The following CACNA2D3 variants were observed in gnomAD, a reference collection of about 807,000 sequenced individuals.
CACNA2D3 encodes calcium voltage-gated channel auxiliary subunit alpha2delta 3.
A neutral mutation model predicts 160.6 loss-of-function variants in CACNA2D3; 60 were observed. That is an observed-to-expected ratio of 0.37 (90% CI 0.30 to 0.46). The LOEUF (loss-of-function observed/expected upper bound fraction) is 0.46, where lower values mean the gene tolerates loss of function less well. Ranked by LOEUF, CACNA2D3 falls within the 20% of genes least tolerant of loss-of-function variation. The pLI is 1.00. For synonymous variants in CACNA2D3, 558 were observed against 492.9 expected (o/e 1.13, Z -1.75); for missense variants, 1,205 against 1,365.0 (o/e 0.88, Z 1.85).
At chr3:54,332,463 T>C (rs1187267103) in intron 3 of CACNA2D3, among the ~76,000 whole-genome samples, 6 of 152,194 alleles carry the variant, frequency 3.9e-5, no homozygotes. Context: ...ATAATTCACA[T>C]ATGTATAGGA....
intron 4 of CACNA2D3, among the ~76,000 whole-genome samples, chr3:54,416,665 C>A (rs1390170589): frequency 2.6e-5 from 4 of 152,188 alleles, no homozygotes; most frequent in Non-Finnish European, 5.9e-5. Context: ...CATATACTGA[C>A]AGGAGACCAT....
chr3:54,191,511 C>T (rs924029274), intron 2 of CACNA2D3, among the ~76,000 whole-genome samples: 2 of 151,922 alleles, frequency 1.3e-5, no homozygotes, highest in Non-Finnish European at 2.9e-5. Flanking sequence ...AATCTAGTAC[C>T]CAGGGAGTGC....
chr3:54,950,010 T>C (rs2043541536), intron 27 of CACNA2D3, among the ~76,000 whole-genome samples: 1 of 152,208 alleles, frequency 6.6e-6, no homozygotes, highest in South Asian at 2.1e-4. Context: ...AAGAAAAAGA[T>C]TCGTCTTGAA....
rs371961682 is a variant in CACNA2D3, at chr3:55,059,839, A to G, written c.2988-13606A>G. On this transcript the variant is annotated intron_variant, in intron 35 of 37. Transcript: ENST00000474759. ...GATGATCTTCCCCTGGAGTTCAGCT[A>G]TCCCACACCCGTTCTCCTCTCCAAC... is the stretch of plus-strand genomic sequence containing the variant. Among the ~76,000 whole-genome samples, 224 of 152,134 alleles carry G rather than the reference A, an allele frequency of 1.5e-3. 3 individuals are homozygous for G. The South Asian group carries it at 0.034, about 23-fold the overall frequency.
At chr3:54,658,151 A>C (rs1699907201) in intron 11 of CACNA2D3, among the ~76,000 whole-genome samples, 1 of 152,266 alleles carries the variant, frequency 6.6e-6, no homozygotes, top group Non-Finnish European at 1.5e-5. Flanking sequence ...ATGGGTATAC[A>C]GATAACCTCT....
At chr3:54,559,171 TAAAAAG>T (rs1049404257) in intron 5 of CACNA2D3, among the ~76,000 whole-genome samples, 1 of 152,162 alleles carries the variant, frequency 6.6e-6, no homozygotes, top group African/African-American at 2.4e-5. Flanking sequence ...CTTCAGAGGT[TAAAAAG>T]AAAAAGTGAA....
intron 11 of CACNA2D3, among the ~76,000 whole-genome samples, chr3:54,679,188 T>G (rs1700299044): frequency 6.6e-6 from 1 of 152,142 alleles, no homozygotes; most frequent in South Asian, 2.1e-4. Flanking sequence ...TCCCTTAGGC[T>G]CCATACTGGA....
chr3:54,674,903 G>GA (rs1161465301), intron 11 of CACNA2D3, among the ~76,000 whole-genome samples: 1 of 152,146 alleles, frequency 6.6e-6, no homozygotes, highest in Non-Finnish European at 1.5e-5. Flanking sequence ...CCATTATTGA[G>GA]AGAGATGGTG....
At chr3:54,150,847 G>GATGGATGA (rs1700135836) in intron 2 of CACNA2D3, among the ~76,000 whole-genome samples, 2 of 151,834 alleles carry the variant, frequency 1.3e-5, no homozygotes, top group South Asian at 4.2e-4. Context: ...TGGATGGATG[G>GATGGATGA]ATGGATGAGT....
intron 17 of CACNA2D3, among the ~76,000 whole-genome samples, chr3:54,865,917 G>C (rs1032492255): frequency 1.3e-5 from 2 of 152,116 alleles, no homozygotes; most frequent in Non-Finnish European, 1.5e-5. Flanking sequence ...TACGGATAAG[G>C]AAAATGAGGA....
intron 4 of CACNA2D3, among the ~76,000 whole-genome samples, chr3:54,404,274 A>G (rs1192967393): frequency 6.6e-6 from 1 of 152,168 alleles, no homozygotes; most frequent in Non-Finnish European, 1.5e-5. Context: ...AAATTCAAGA[A>G]CAAATCAAGA....
chr3:54,281,450 A>T (rs1169242584), intron 2 of CACNA2D3, among the ~76,000 whole-genome samples: 1 of 152,114 alleles, frequency 6.6e-6, no homozygotes, highest in African/African-American at 2.4e-5. Flanking sequence ...AGAGTGGATC[A>T]TGAGGGGGAG....
At chr3:54,123,657 A>C in intron 2 of CACNA2D3, 63 bp downstream of exon 2, 1 of 1,347,220 alleles carries the variant, frequency 7.4e-7, no homozygotes, top group African/African-American at 1.4e-5. Context: ...AGGCAGATTT[A>C]GTTTTCCAAA....
At chr3:54,609,033 C>T (rs1698692145) in intron 9 of CACNA2D3, among the ~76,000 whole-genome samples, 1 of 152,132 alleles carries the variant, frequency 6.6e-6, no homozygotes, top group East Asian at 1.9e-4. Flanking sequence ...TGAATCATGT[C>T]CCCCCAACAA....
intron 12 of CACNA2D3, 26 bp downstream of exon 12, chr3:54,752,703 C>T (rs1478006496): frequency 1.3e-6 from 2 of 1,531,086 alleles, no homozygotes; most frequent in East Asian, 2.3e-5. Flanking sequence ...GTGCTCGGCT[C>T]TGAATAACTT....
At chr3:54,972,659 C>A (rs1302744176) in intron 29 of CACNA2D3, among the ~76,000 whole-genome samples, 8 of 152,170 alleles carry the variant, frequency 5.3e-5, no homozygotes, top group Admixed American at 5.2e-4. Flanking sequence ...CCAGTCAATG[C>A]ACTCTCTGGG....
Position 54,838,474 on chromosome 3 carries a change from G to T in CACNA2D3, c.1471-94G>T. 6 of 962,160 alleles carry T rather than the reference G, an allele frequency of 6.2e-6. No individual in the cohort carries two copies. In the Admixed American group the frequency reaches 1.0e-4, roughly 16 times the overall value. 59.6% of individuals were successfully genotyped at this position (962,160 alleles called of 1,614,324 possible). On this transcript the variant is annotated intron_variant, in intron 15 of 37. Coordinates refer to ENST00000474759, the MANE Select transcript of CACNA2D3 (RefSeq NM_018398.3). ...CTCAATCTGTATCAGTTTGGGGAAGGCACCAGGCAGACGGTATGTGACTTC... is the reference window on the plus strand; with the variant it reads ...CTCAATCTGTATCAGTTTGGGGAAGTCACCAGGCAGACGGTATGTGACTTC...
At position 54,508,480 on chromosome 3, in the gene CACNA2D3, C is replaced by T. The variant is rs561142056; in HGVS notation, c.544+4826C>T. Among the ~76,000 whole-genome samples the T allele has an allele frequency of 1.1e-4, 17 of 152,296 alleles. No homozygotes were observed. The South Asian group carries it at 1.7e-3, about 15-fold the overall frequency. On this transcript the variant is annotated intron_variant, in intron 5 of 37. Transcript: ENST00000474759. ...AGTGAGCATATCAGCCCCATGAAGG[C>T]GGGAACCCCAGCAGGATACCCAGCA...
intron 9 of CACNA2D3, among the ~76,000 whole-genome samples, chr3:54,583,629 A>G (rs1315161619): frequency 3.9e-5 from 6 of 152,226 alleles, no homozygotes; most frequent in South Asian, 2.1e-4. Context: ...GAAATCCGCA[A>G]TGCTCCAATG....
Sources: gnomAD v4.1 joint callset for allele counts (sites outside exome capture counted in the v4.1 genomes callset) on GRCh38, gnomAD v4.1.1 for gene constraint, MANE v1.5 for transcripts, NCBI Gene and HGNC (gene_info 2026-07-23, HGNC 2026-07-21) for gene names.